The following ANKS1B variants were observed in gnomAD, a reference collection of about 807,000 sequenced individuals.
ANKS1B encodes the protein ankyrin repeat and sterile alpha motif domain containing 1B.
A neutral mutation model predicts 148.3 loss-of-function variants in ANKS1B; 36 were observed. The observed-to-expected ratio is 0.24, with a 90% CI of 0.19 to 0.32. ANKS1B has a LOEUF of 0.32. Ranked by LOEUF, ANKS1B falls within the 10% of genes least tolerant of loss-of-function variation. The pLI, the probability that ANKS1B is intolerant of heterozygous loss-of-function variation, is 1.00. For synonymous variants in ANKS1B, 542 were observed against 560.8 expected (o/e 0.97, Z 0.47); for missense variants, 1,157 against 1,542.6 (o/e 0.75, Z 4.19).
chr12:99,358,377 T>C (rs1385017978), intron 12 of ANKS1B, among the ~76,000 whole-genome samples: 1 of 152,142 alleles, frequency 6.6e-6, no homozygotes, highest in African/African-American at 2.4e-5. Flanking sequence ...ATATCATTTG[T>C]ATAATTCATT....
chr12:98,901,675 A>C (rs1421618431), intron 17 of ANKS1B, among the ~76,000 whole-genome samples: 1 of 152,240 alleles, frequency 6.6e-6, no homozygotes, highest in Non-Finnish European at 1.5e-5. Context: ...GGCACAAAAT[A>C]GAAGTCAGAG....
chr12:99,066,320 C>T lies in ANKS1B; in HGVS notation c.2626-13011G>A, dbSNP rs533260807. Among the ~76,000 whole-genome samples the T allele has an allele frequency of 1.3e-3, 192 of 151,876 alleles. 1 individual carries two copies. Among genetic ancestry groups the T allele is most frequent in the African/African-American group, 4.3e-3 (178 of 41,406 alleles). On this transcript the variant is annotated intron_variant, in intron 16 of 26. Coordinates refer to ENST00000683438, the MANE Select transcript of ANKS1B (RefSeq NM_001352186.2). The stretch of plus-strand genomic sequence containing the variant: ...TGGGTGACAAAGCAAAACTCTGTCT[C>T]AAAAAATAAAAAAGTAAAAAATAAA...
intron 24 of ANKS1B, among the ~76,000 whole-genome samples, chr12:98,775,067 C>T (rs1593302630): frequency 6.6e-6 from 1 of 152,138 alleles, no homozygotes; most frequent in African/African-American, 2.4e-5. Flanking sequence ...GGTGTGGGAA[C>T]CTCTGCCATT....
chr12:99,666,928 A>C (rs1440327880), intron 8 of ANKS1B, among the ~76,000 whole-genome samples: 1 of 150,756 alleles, frequency 6.6e-6, no homozygotes, highest in Non-Finnish European at 1.5e-5. Context: ...TCTCTTAGCA[A>C]ATTTCAAGTA....
At chr12:99,647,519 C>G (rs1461738497) in intron 9 of ANKS1B, among the ~76,000 whole-genome samples, 1 of 152,130 alleles carries the variant, frequency 6.6e-6, no homozygotes, top group Non-Finnish European at 1.5e-5. Flanking sequence ...AAATTTACCT[C>G]TAACCCTTTT....
At chr12:99,551,290 A>G (rs1344737122) in intron 9 of ANKS1B, among the ~76,000 whole-genome samples, 1 of 152,124 alleles carries the variant, frequency 6.6e-6, no homozygotes, top group Non-Finnish European at 1.5e-5. Flanking sequence ...ACTCAGCAAT[A>G]TCATATCATA....
intron 1 of ANKS1B, among the ~76,000 whole-genome samples, chr12:99,907,224 C>T (rs1174778353): frequency 6.6e-6 from 1 of 152,146 alleles, no homozygotes; most frequent in Non-Finnish European, 1.5e-5. Context: ...TTTTTAAGCA[C>T]CATCAGTTCT....
At chr12:99,632,754 TATATATATATATA>T (rs879413568) in intron 9 of ANKS1B, among the ~76,000 whole-genome samples, 11,802 of 110,746 alleles carry the variant, frequency 0.11, 1,304 homozygotes, top group Middle Eastern at 0.14. Flanking sequence ...TATATATATA[TATATATATATATA>T]TTTTAATTAT....
At chr12:99,729,221 A>G (rs1231018971) in intron 8 of ANKS1B, among the ~76,000 whole-genome samples, 1 of 152,160 alleles carries the variant, frequency 6.6e-6, no homozygotes, top group East Asian at 1.9e-4. Context: ...CCGAGTATAA[A>G]ATTCTAGATC....
rs956423173 is a variant in ANKS1B, at chr12:99,297,502, A to G, written c.1757-50638T>C. Among the ~76,000 whole-genome samples the G allele has an allele frequency of 7.8e-4, 119 of 152,242 alleles. 2 individuals carry two copies. The highest frequency in any genetic ancestry group is 2.1e-4 in the Non-Finnish European group (14 of 68,042). ...CAAACTTGTGTTGAGCACCAGCTACATGTTAGGAACTGTGCTAGGCAATGG... is the reference window on the plus strand; with the variant it reads ...CAAACTTGTGTTGAGCACCAGCTACGTGTTAGGAACTGTGCTAGGCAATGG... On this transcript the variant is annotated intron_variant, in intron 12 of 26. Coordinates refer to ENST00000683438, the MANE Select transcript of ANKS1B (RefSeq NM_001352186.2).
intron 8 of ANKS1B, among the ~76,000 whole-genome samples, chr12:99,762,278 C>T (rs758771253): frequency 2.6e-5 from 4 of 152,200 alleles, no homozygotes; most frequent in Non-Finnish European, 4.4e-5. Flanking sequence ...CATCACATTT[C>T]CCAACTTCCA....
In ANKS1B at chr12:99,849,280, TATATACAC is replaced by T. The variant is rs570993607; in HGVS notation, c.135-23899_135-23892del. ...ATATGTGTGTGTGTATACATATATG[TATATACAC>T]ATATACACATAGTTGTTCAACTTCC... On this transcript the variant is annotated intron_variant, in intron 1 of 26. Coordinates refer to ENST00000683438, the MANE Select transcript of ANKS1B (RefSeq NM_001352186.2). 9.2e-5 allele frequency among the ~76,000 whole-genome samples: 14 copies of T among 152,286 alleles called. No homozygotes were observed. The East Asian group carries it at 2.1e-3, about 23-fold the overall frequency.
intron 8 of ANKS1B, among the ~76,000 whole-genome samples, chr12:99,722,934 C>A (rs1386140462): frequency 2.0e-5 from 3 of 152,168 alleles, no homozygotes; most frequent in East Asian, 3.9e-4. Context: ...GCAGGTGGGT[C>A]CCCACCCCCC....
At chr12:99,221,208 C>T (rs1166836457) in intron 14 of ANKS1B, among the ~76,000 whole-genome samples, 1 of 151,866 alleles carries the variant, frequency 6.6e-6, no homozygotes, top group African/African-American at 2.4e-5. Context: ...GGCATGGTGG[C>T]GGGCACCTGT....
chr12:99,373,965 A>G (rs914850683), intron 12 of ANKS1B, among the ~76,000 whole-genome samples: 1 of 152,210 alleles, frequency 6.6e-6, no homozygotes, highest in African/African-American at 2.4e-5. Context: ...TGAGAAAGTC[A>G]TGTAACAAAA....
intron 17 of ANKS1B, among the ~76,000 whole-genome samples, chr12:99,049,396 G>A (rs1290053120): frequency 6.6e-6 from 1 of 152,104 alleles, no homozygotes; most frequent in African/African-American, 2.4e-5. Context: ...TGAGAGCGGG[G>A]TAGACAGAAG....
intron 9 of ANKS1B, among the ~76,000 whole-genome samples, chr12:99,597,113 T>C (rs1361937549): frequency 2.6e-5 from 4 of 151,996 alleles, no homozygotes; most frequent in African/African-American, 9.7e-5. Flanking sequence ...ATCTTTATTA[T>C]TACAGTCATT....
At chr12:99,803,614 A>G (rs2067238336) in intron 4 of ANKS1B, among the ~76,000 whole-genome samples, 1 of 152,232 alleles carries the variant, frequency 6.6e-6, no homozygotes, top group Non-Finnish European at 1.5e-5. Context: ...GACCAAGCAG[A>G]CAATCTAAAG....
chr12:98,981,005 G>A (rs926274306), intron 17 of ANKS1B, among the ~76,000 whole-genome samples: 7 of 151,764 alleles, frequency 4.6e-5, no homozygotes, highest in Admixed American at 2.6e-4. Context: ...ATTTTGTTCA[G>A]TTAAATTTTT....
Sources: allele counts gnomAD v4.1 joint callset (sites outside exome capture counted in the v4.1 genomes callset), GRCh38; gene constraint gnomAD v4.1.1; transcripts MANE v1.5; gene names NCBI Gene and HGNC (gene_info 2026-07-23, HGNC 2026-07-21).